The following ASAH2 variants were observed in gnomAD, a reference collection of about 807,000 sequenced individuals.
ASAH2 encodes the protein N-acylsphingosine amidohydrolase 2, also known as neutral ceramidase.
Under a neutral mutation model 82.9 loss-of-function variants are expected in ASAH2, and 58 were observed. The observed-to-expected ratio is 0.70, with a 90% CI of 0.57 to 0.87. The LOEUF is 0.87. Ranked by LOEUF, ASAH2 falls within the 40% of genes least tolerant of loss-of-function variation. The pLI, the probability that ASAH2 is intolerant of heterozygous loss-of-function variation, is 0.00. For synonymous variants in ASAH2, 276 were observed against 289.7 expected (o/e 0.95, Z 0.48); for missense variants, 779 against 834.0 (o/e 0.93, Z 0.81).
intron 7 of ASAH2, among the ~76,000 whole-genome samples, chr10:50,219,502 G>A (rs1398737598): frequency 1.3e-5 from 2 of 152,114 alleles, no homozygotes; most frequent in Non-Finnish European, 2.9e-5. Context: ...TTTACAGAGT[G>A]GAAGGCAGTA....
intron 4 of ASAH2, among the ~76,000 whole-genome samples, chr10:50,239,124 G>A (rs1311359026): frequency 6.6e-6 from 1 of 152,104 alleles, no homozygotes; most frequent in African/African-American, 2.4e-5. Context: ...AACCTAGAAA[G>A]TCCTTCTGTT....
intron 3 of ASAH2, among the ~76,000 whole-genome samples, chr10:50,244,253 C>T (rs1162166173): frequency 1.3e-5 from 2 of 152,170 alleles, no homozygotes; most frequent in Non-Finnish European, 1.5e-5. Flanking sequence ...CAATTGTTCT[C>T]CCCAACCCTG....
intron 4 of ASAH2, among the ~76,000 whole-genome samples, chr10:50,238,935 A>G (rs1846225607): frequency 5.3e-5 from 8 of 152,318 alleles, no homozygotes; most frequent in Middle Eastern, 3.4e-3. Context: ...AATACATAAA[A>G]CCTAGTCATA....
At chr10:50,227,152 A>G (rs1470732814) in intron 7 of ASAH2, among the ~76,000 whole-genome samples, 1 of 152,188 alleles carries the variant, frequency 6.6e-6, no homozygotes, top group Non-Finnish European at 1.5e-5. Flanking sequence ...AGAAATAACT[A>G]AAGCTATATG....
At chr10:50,210,382 C>T (rs1845420537) in intron 12 of ASAH2, among the ~76,000 whole-genome samples, 1 of 152,114 alleles carries the variant, frequency 6.6e-6, no homozygotes, top group Admixed American at 6.6e-5. Flanking sequence ...TGCCTGTAGT[C>T]TCAGCTACTT....
In ASAH2 at chr10:50,250,391, C is replaced by T. The variant is rs115445835; in HGVS notation, c.-37+1004G>A. ...GTTATTGGGAAGCTTTCCTCATCCA[C>T]TTATCACCACCATAATGCCCTTAAC... On this transcript the variant is annotated intron_variant, in intron 1 of 20. Coordinates refer to ENST00000682911, the MANE Select transcript of ASAH2 (RefSeq NM_019893.4). Among the ~76,000 whole-genome samples the T allele has an allele frequency of 4.0e-3, 603 of 152,270 alleles. 6 individuals are homozygous for T. The highest frequency in any genetic ancestry group is 0.014 in the African/African-American group (586 of 41,552).
chr10:50,245,014 C>A (rs929569279), intron 3 of ASAH2, among the ~76,000 whole-genome samples: 1 of 151,788 alleles, frequency 6.6e-6, no homozygotes, highest in African/African-American at 2.4e-5. Context: ...AAAAAAAAGG[C>A]CAATGGATTT....
At chr10:50,242,229 T>C (rs1846319796) in intron 4 of ASAH2, among the ~76,000 whole-genome samples, 1 of 152,070 alleles carries the variant, frequency 6.6e-6, no homozygotes, top group African/African-American at 2.4e-5. Context: ...GGGAAAACAC[T>C]TAATCCCTTT....
rs1845943407 is a variant in ASAH2, at chr10:50,228,454, A to G, written c.893+4730T>C. 3.3e-5 allele frequency among the ~76,000 whole-genome samples: 5 copies of G among 152,334 alleles called. No homozygotes were observed. The South Asian group carries it at 8.3e-4, about 25-fold the overall frequency. On this transcript the variant is annotated intron_variant, in intron 7 of 20. Transcript: ENST00000682911. ...TAATTCAATTATTCTGTGTCAATTAAAAACAAAACAGTTTTATGTAAAAAA... is the reference window on the plus strand; with the variant it reads ...TAATTCAATTATTCTGTGTCAATTAGAAACAAAACAGTTTTATGTAAAAAA...
At chr10:50,219,679 T>A (rs1845693456) in intron 7 of ASAH2, among the ~76,000 whole-genome samples, 1 of 152,252 alleles carries the variant, frequency 6.6e-6, no homozygotes, top group Admixed American at 6.5e-5. Context: ...AAACTAAGCA[T>A]CTATTTAATG....
chr10:50,210,919 T>C lies in ASAH2; in HGVS notation c.1333-15A>G, dbSNP rs1845438787. 6.2e-7 allele frequency: 1 copy of C among 1,612,426 alleles called. No individual in the cohort carries two copies. Among genetic ancestry groups the C allele is most frequent in the South Asian group, 1.1e-5 (1 of 91,040 alleles). ...CATGTTTTTGACTAAAGGAAAAGTT[T>C]TAAAAACAAAACAAAAATGAAAAAG... On this transcript the variant is annotated splice_polypyrimidine_tract_variant and intron_variant, in intron 11 of 20. Transcript: ENST00000682911.
chr10:50,210,396 A>G (rs1845420855), intron 12 of ASAH2, among the ~76,000 whole-genome samples: 2 of 152,104 alleles, frequency 1.3e-5, no homozygotes, highest in Admixed American at 6.5e-5. Context: ...GCTACTTGGG[A>G]GGCTGAGGCA....
intron 7 of ASAH2, among the ~76,000 whole-genome samples, chr10:50,223,301 G>A (rs1845795426): frequency 6.6e-6 from 1 of 152,120 alleles, no homozygotes; most frequent in African/African-American, 2.4e-5. Context: ...AAAGGTAAAA[G>A]CAGATTCCAT....
chr10:50,208,347 A>C (rs1182884016), intron 12 of ASAH2, among the ~76,000 whole-genome samples: 2 of 152,026 alleles, frequency 1.3e-5, no homozygotes, highest in Non-Finnish European at 2.9e-5. Flanking sequence ...CAGATTGGAA[A>C]AGAAAAATTA....
intron 16 of ASAH2, among the ~76,000 whole-genome samples, chr10:50,201,780 A>G (rs1204269271): frequency 6.6e-6 from 1 of 152,140 alleles, no homozygotes; most frequent in Non-Finnish European, 1.5e-5. Flanking sequence ...ATAATAAACC[A>G]ATGTTGTGAT....
chr10:50,229,362 G>T (rs1292127039), intron 7 of ASAH2, among the ~76,000 whole-genome samples: 1 of 152,050 alleles, frequency 6.6e-6, no homozygotes, highest in Non-Finnish European at 1.5e-5. Flanking sequence ...GGGGAAAAAG[G>T]CACAAAGATA....
chr10:50,199,111 T>C lies in ASAH2; in HGVS notation c.1797A>G (p.Gly599=). 2.5e-6 allele frequency: 4 copies of C among 1,613,332 alleles called. No individual in the cohort carries two copies. In the South Asian group the frequency reaches 4.4e-5, roughly 18 times the overall value. The change falls in exon 17 of 21, where the codon GGA becomes GGG. Residue 599 remains glycine (G), a synonymous_variant. Coordinates refer to ENST00000682911, the MANE Select transcript of ASAH2 (RefSeq NM_019893.4). ...GAATGTAAGCAGATAATGTGTGCGG[T>C]CCATAAATTGTCGATGCTGCCTCAT... The part of the protein sequence containing the change: ...QRYEAASTIY[G]PHTLSAYIQL...
intron 14 of ASAH2, 136 bp from the exon 15 acceptor site, chr10:50,203,815 T>C: frequency 5.3e-6 from 4 of 759,232 alleles, no homozygotes; most frequent in South Asian, 1.6e-5. Flanking sequence ...CCAATGACTA[T>C]GAAAAGCTAA....
At chr10:50,221,874 G>A (rs949132510) in intron 7 of ASAH2, among the ~76,000 whole-genome samples, 1 of 152,094 alleles carries the variant, frequency 6.6e-6, no homozygotes, top group Non-Finnish European at 1.5e-5. Context: ...GATAAATGAG[G>A]TATCATCTTG....
Sources: allele counts gnomAD v4.1 joint callset (sites outside exome capture counted in the v4.1 genomes callset), GRCh38; gene constraint gnomAD v4.1.1; transcripts MANE v1.5; gene names NCBI Gene and HGNC (gene_info 2026-07-23, HGNC 2026-07-21).